The following OXR1 variants were observed in gnomAD, a reference collection of about 807,000 sequenced individuals.
OXR1 encodes the protein oxidation resistance protein 1.
Under a neutral mutation model 104.6 loss-of-function variants are expected in OXR1, and 41 were observed. The ratio of observed to expected loss-of-function variants is 0.39; its 90% CI spans 0.31 to 0.51. The LOEUF is 0.51. OXR1 is among the 20% of genes least tolerant of loss of function. The pLI is 0.77. For synonymous variants in OXR1, 348 were observed against 348.4 expected (o/e 1.00, Z 0.01); for missense variants, 955 against 1,031.9 (o/e 0.93, Z 1.02).
intron 1 of OXR1, among the ~76,000 whole-genome samples, chr8:106,355,881 G>C (rs1815945961): frequency 6.6e-6 from 1 of 152,036 alleles, no homozygotes; most frequent in Non-Finnish European, 1.5e-5. Flanking sequence ...AAATTATCCT[G>C]AACTTTAAGG....
intron 2 of OXR1, among the ~76,000 whole-genome samples, chr8:106,438,388 GA>G (rs564959919): frequency 1.3e-5 from 2 of 151,948 alleles, no homozygotes; most frequent in South Asian, 2.1e-4. Context: ...GATTTAATAT[GA>G]AAAAAATGCA....
At chr8:106,339,695 G>T (rs748037645) in intron 1 of OXR1, among the ~76,000 whole-genome samples, 8 of 150,364 alleles carry the variant, frequency 5.3e-5, no homozygotes, top group Non-Finnish European at 1.2e-4. Flanking sequence ...TTTTGTGTCA[G>T]GGCCTTTATT....
At chr8:106,510,985 G>T (rs1812486129) in intron 2 of OXR1, among the ~76,000 whole-genome samples, 1 of 152,178 alleles carries the variant, frequency 6.6e-6, no homozygotes, top group Non-Finnish European at 1.5e-5. Flanking sequence ...CCACGTTAAT[G>T]AGACTTTCTG....
intron 3 of OXR1, among the ~76,000 whole-genome samples, chr8:106,659,337 G>T (rs1037945266): frequency 5.3e-5 from 8 of 152,102 alleles, no homozygotes; most frequent in African/African-American, 1.4e-4. Flanking sequence ...AAGCTTTGAA[G>T]AAATATTAAA....
intron 7 of OXR1, among the ~76,000 whole-genome samples, chr8:106,693,313 G>A (rs994594282): frequency 2.6e-5 from 4 of 151,860 alleles, no homozygotes; most frequent in African/African-American, 9.7e-5. Flanking sequence ...TTGTGAAATA[G>A]GCAGTCATAT....
chr8:106,668,391 A>G (rs1231899905), intron 3 of OXR1, among the ~76,000 whole-genome samples: 1 of 152,192 alleles, frequency 6.6e-6, no homozygotes, highest in African/African-American at 2.4e-5. Flanking sequence ...TAAGCTCCCA[A>G]GCATAATAAT....
At chr8:106,708,526 C>A (rs1237251624) in intron 9 of OXR1, among the ~76,000 whole-genome samples, 4 of 152,134 alleles carry the variant, frequency 2.6e-5, no homozygotes, top group Non-Finnish European at 5.9e-5. Context: ...TGGAGTCATA[C>A]AATATTTATC....
intron 3 of OXR1, among the ~76,000 whole-genome samples, chr8:106,671,634 A>C (rs1490934933): frequency 3.9e-5 from 6 of 152,108 alleles, no homozygotes; most frequent in Non-Finnish European, 5.9e-5. Context: ...AATATTATGC[A>C]GCCATAAAAA....
chr8:106,520,198 T>C (rs547360121), intron 3 of OXR1, among the ~76,000 whole-genome samples: 2 of 152,130 alleles, frequency 1.3e-5, no homozygotes, highest in Admixed American at 1.3e-4. Context: ...TTTAAGATGA[T>C]TGAAATCTTT....
chr8:106,699,454 C>T (rs1264232543), intron 7 of OXR1, among the ~76,000 whole-genome samples: 1 of 152,160 alleles, frequency 6.6e-6, no homozygotes. Flanking sequence ...CTTCGGTAAT[C>T]AAAGAGCTGA....
At chr8:106,654,972 G>A (rs936323067) in intron 3 of OXR1, among the ~76,000 whole-genome samples, 1 of 152,124 alleles carries the variant, frequency 6.6e-6, no homozygotes, top group Non-Finnish European at 1.5e-5. Context: ...ATGTTATTTG[G>A]TGGTAAGAAG....
intron 7 of OXR1, among the ~76,000 whole-genome samples, chr8:106,694,161 T>C (rs1436009784): frequency 1.3e-5 from 2 of 151,822 alleles, no homozygotes; most frequent in Non-Finnish European, 2.9e-5. Context: ...TTTTATGGTC[T>C]AGAATATCGT....
intron 1 of OXR1, among the ~76,000 whole-genome samples, chr8:106,292,810 A>G (rs1202509302): frequency 6.6e-5 from 10 of 152,206 alleles, no homozygotes; most frequent in Admixed American, 6.5e-4. Context: ...AGGTAGCGAA[A>G]ATCAAGTAAG....
chr8:106,403,881 TC>T (rs1237623021), intron 2 of OXR1, among the ~76,000 whole-genome samples: 34 of 152,304 alleles, frequency 2.2e-4, no homozygotes, highest in African/African-American at 8.2e-4. Flanking sequence ...GCACAGCTCT[TC>T]ATGGGTCACA....
intron 1 of OXR1, among the ~76,000 whole-genome samples, chr8:106,290,398 A>G (rs1023653647): frequency 1.4e-4 from 21 of 152,328 alleles, no homozygotes; most frequent in African/African-American, 4.3e-4. Context: ...TTTGGCAAAG[A>G]ATGTTTTGCT....
chr8:106,669,487 G>A (rs947678347), intron 3 of OXR1, among the ~76,000 whole-genome samples: 3 of 151,958 alleles, frequency 2.0e-5, no homozygotes, highest in Non-Finnish European at 4.4e-5. Flanking sequence ...GTGAAATGTT[G>A]AAAATACAGG....
intron 2 of OXR1, among the ~76,000 whole-genome samples, chr8:106,456,635 A>G (rs1563534412): frequency 2.0e-5 from 3 of 152,172 alleles, no homozygotes; most frequent in South Asian, 4.1e-4. Flanking sequence ...TTTCACCTAC[A>G]TGTTTTCTTT....
intron 2 of OXR1, among the ~76,000 whole-genome samples, chr8:106,408,169 A>G (rs1426189194): frequency 1.3e-5 from 2 of 152,166 alleles, no homozygotes; most frequent in Non-Finnish European, 2.9e-5. Flanking sequence ...CCCCTGAATT[A>G]TAGTTATTGT....
At chr8:106,281,841 C>G (rs955005226) in intron 1 of OXR1, among the ~76,000 whole-genome samples, 1 of 145,498 alleles carries the variant, frequency 6.9e-6, no homozygotes, top group African/African-American at 2.5e-5. Flanking sequence ...ATATAGAAAG[C>G]AGGAGTACTT....
Sources: gnomAD v4.1 joint callset for allele counts (sites outside exome capture counted in the v4.1 genomes callset) on GRCh38, gnomAD v4.1.1 for gene constraint, MANE v1.5 for transcripts, NCBI Gene and HGNC (gene_info 2026-07-23, HGNC 2026-07-21) for gene names.